PRICKLE2: variants seen among roughly 807,000 people sequenced by gnomAD.
The protein encoded by PRICKLE2 is prickle-like protein 2.
Under a neutral mutation model 81.4 loss-of-function variants are expected in PRICKLE2, and 21 were observed. The ratio of observed to expected loss-of-function variants is 0.26; its 90% CI spans 0.18 to 0.37. PRICKLE2 has a LOEUF of 0.37. Ranked by LOEUF, PRICKLE2 falls within the 10% of genes least tolerant of loss-of-function variation. The probability of loss-of-function intolerance (pLI) is 1.00; values close to 1 mark genes in which losing one functional copy is unlikely to be tolerated. For missense variants in PRICKLE2, 940 were observed against 1,109.0 expected (o/e 0.85, Z 2.16); for synonymous variants, 456 against 421.5 (o/e 1.08, Z -1.00).
chr3:64,202,600 T>G (rs2078604462), intron 1 of PRICKLE2, among the ~76,000 whole-genome samples: 1 of 151,958 alleles, frequency 6.6e-6, no homozygotes, highest in Non-Finnish European at 1.5e-5. Flanking sequence ...TCATACAATC[T>G]TGCTAAAATC....
chr3:64,265,376 T>C (rs1266047716), intron 2 of PRICKLE2, among the ~76,000 whole-genome samples: 4 of 152,162 alleles, frequency 2.6e-5, no homozygotes, highest in Non-Finnish European at 5.9e-5. Flanking sequence ...AAAAAAATCA[T>C]TCCCTCTGCT....
At chr3:64,247,099 T>A (rs1187631886) in intron 2 of PRICKLE2, among the ~76,000 whole-genome samples, 4 of 152,234 alleles carry the variant, frequency 2.6e-5, no homozygotes, top group African/African-American at 9.6e-5. Flanking sequence ...AAAGCCACAG[T>A]GCTGGTAGCA....
intron 2 of PRICKLE2, among the ~76,000 whole-genome samples, chr3:64,236,881 G>A (rs1013929081): frequency 1.3e-5 from 2 of 152,226 alleles, no homozygotes; most frequent in African/African-American, 4.8e-5. Flanking sequence ...CTCAGTAAGT[G>A]TAAGGTACTA....
chr3:64,112,030 G>A (rs1215660170), intron 7 of PRICKLE2, among the ~76,000 whole-genome samples: 1 of 152,142 alleles, frequency 6.6e-6, no homozygotes, highest in Non-Finnish European at 1.5e-5. Flanking sequence ...TCAACGGCAC[G>A]TCTCATACAC....
chr3:64,194,918 C>T (rs2078420433), intron 2 of PRICKLE2, among the ~76,000 whole-genome samples: 1 of 152,090 alleles, frequency 6.6e-6, no homozygotes, highest in African/African-American at 2.4e-5. Context: ...CAGCATGTGC[C>T]TGCAGTCCCA....
At chr3:64,157,463 G>C (rs2077656184) in intron 4 of PRICKLE2, 98 bp from the exon 5 acceptor site, 1 of 1,261,124 alleles carries the variant, frequency 7.9e-7, no homozygotes, top group Non-Finnish European at 1.1e-6. Flanking sequence ...TGGCTACTGA[G>C]TGCTTATGTT....
At chr3:64,114,074 T>A (rs1096267) in intron 7 of PRICKLE2, among the ~76,000 whole-genome samples, 116,983 of 151,880 alleles carry the variant, frequency 0.77, 46,799 homozygotes, top group Non-Finnish European at 0.88. Context: ...TCCCCCAGAG[T>A]AAGAGCACAG....
rs554324789 is a variant in PRICKLE2 at position 64,179,007 on chromosome 3, C to A, written c.145-15878G>T. Among the ~76,000 whole-genome samples, 4 of 146,260 alleles carry A rather than the reference C, an allele frequency of 2.7e-5. No individual in the cohort carries two copies. The South Asian group carries it at 8.7e-4, about 32-fold the overall frequency. ...TCTTTCTTTCTTTCTTTCTTTCTTT[C>A]TTTCTTTCTTTCTTTCTTTCTTTCT... On this transcript the variant is annotated intron_variant, in intron 2 of 7. Transcript: ENST00000638394.
At chr3:64,151,534 T>A (rs2107023614) in intron 6 of PRICKLE2, among the ~76,000 whole-genome samples, 1 of 152,296 alleles carries the variant, frequency 6.6e-6, no homozygotes, top group Admixed American at 6.5e-5. Context: ...CTGGAGAGGC[T>A]CTTAGCCTCC....
At chr3:64,125,428 T>A (rs1162239497) in intron 7 of PRICKLE2, among the ~76,000 whole-genome samples, 1 of 152,186 alleles carries the variant, frequency 6.6e-6, no homozygotes, top group Admixed American at 6.5e-5. Context: ...CAGCATCACA[T>A]ACTACAGAGA....
At chr3:64,229,334 G>C (rs555222621), upstream of PRICKLE2, among the ~76,000 whole-genome samples, 3 of 152,256 alleles carry the variant, frequency 2.0e-5, no homozygotes, top group African/African-American at 7.2e-5. Flanking sequence ...TACTGGTCAG[G>C]TTACAGAAGG....
chr3:64,102,349 T>C (rs141723848), intron 7 of PRICKLE2: 15 of 152,430 alleles, frequency 9.8e-5, no homozygotes, highest in African/African-American at 3.6e-4. Context: ...CCACTCCCCA[T>C]TGCTCCAACT....
intron 5 of PRICKLE2, chr3:64,154,383 CA>C (rs71281392): frequency 0.1 from 14,886 of 142,706 alleles, 751 homozygotes; most frequent in Non-Finnish European, 0.11. Context: ...ATTAAAAATA[CA>C]AAAAAAAAAA....
At chr3:64,228,397 G>A (rs1257348801), upstream of PRICKLE2, among the ~76,000 whole-genome samples, 1 of 152,140 alleles carries the variant, frequency 6.6e-6, no homozygotes, top group Non-Finnish European at 1.5e-5. Flanking sequence ...GCCAGCACAC[G>A]CTCTGTGAGC....
rs113333283 is a variant in PRICKLE2, at chr3:64,196,394, G to A, written c.144+2390C>T. Among the ~76,000 whole-genome samples the A allele has an allele frequency of 2.0e-3, 304 of 152,290 alleles. 1 individual carries two copies. Among genetic ancestry groups the A allele is most frequent in the Non-Finnish European group, 3.6e-3 (243 of 68,008 alleles). On this transcript the variant is annotated intron_variant, in intron 2 of 7. Transcript: ENST00000638394. Reference sequence around the variant, plus strand: ...TAAGGTTAGCAAGAAAATGAAACAAGCTCACTGGTGTATCTAGGTATGAAA... The same window carrying A: ...TAAGGTTAGCAAGAAAATGAAACAAACTCACTGGTGTATCTAGGTATGAAA...
chr3:64,213,076 TC>T lies in PRICKLE2; in HGVS notation c.-41+11833del, dbSNP rs1289955088. Among the ~76,000 whole-genome samples, 477 of 137,622 alleles carry T rather than the reference TC, an allele frequency of 3.5e-3. 4 individuals carry two copies. Among genetic ancestry groups the T allele is most frequent in the African/African-American group, 0.015 (457 of 30,648 alleles). The allele number at this position is 137,622 out of a possible 152,430, so 90.3% of individuals were successfully genotyped here. Reference sequence around the variant, plus strand: ...GGTCATACTAATGACTGTTTTTTGTTCTTTTTTTTTTTTTTTTGAGATGGAA... The same window carrying T: ...GGTCATACTAATGACTGTTTTTTGTTTTTTTTTTTTTTTTTTGAGATGGAA... On this transcript the variant is annotated intron_variant, in intron 1 of 7. Transcript: ENST00000638394.
At chr3:64,133,762 G>C (rs559648925) in intron 7 of PRICKLE2, among the ~76,000 whole-genome samples, 1 of 152,222 alleles carries the variant, frequency 6.6e-6, no homozygotes, top group East Asian at 1.9e-4. Flanking sequence ...CAGATTCAAG[G>C]AGACAAGGCT....
chr3:64,228,536 G>GTT (rs55638435), upstream of PRICKLE2, among the ~76,000 whole-genome samples: 19,354 of 148,194 alleles, frequency 0.13, 1,729 homozygotes, highest in African/African-American at 0.26. Context: ...CTAATGAGGT[G>GTT]TTTTTTTTTT....
intron 2 of PRICKLE2, among the ~76,000 whole-genome samples, chr3:64,245,712 A>C (rs1482812350): frequency 3.9e-5 from 6 of 152,180 alleles, no homozygotes; most frequent in Non-Finnish European, 7.3e-5. Flanking sequence ...AGAAAGTTTT[A>C]AATCCAACGG....
Sources: allele counts gnomAD v4.1 joint callset (sites outside exome capture counted in the v4.1 genomes callset), GRCh38; gene constraint gnomAD v4.1.1; transcripts MANE v1.5; gene names NCBI Gene and HGNC (gene_info 2026-07-23, HGNC 2026-07-21).